Variants in TFRC observed in about 807,000 individuals in gnomAD.
TFRC encodes transferrin receptor protein 1.
A neutral mutation model predicts 85.8 loss-of-function variants in TFRC; 35 were observed. That is an observed-to-expected ratio of 0.41 (90% CI 0.31 to 0.54). The LOEUF is 0.54. Among genes scored for constraint, TFRC ranks in the 20% least tolerant of loss-of-function variants. The pLI is 0.31. For missense variants in TFRC, 828 were observed against 921.5 expected, an observed-to-expected ratio of 0.90 and a Z score of 1.31; for synonymous variants, 362 against 328.6, an observed-to-expected ratio of 1.10 and a Z score of -1.10.
chr3:196,074,979 G>T (rs1246436667), intron 3 of TFRC, among the ~76,000 whole-genome samples, 180 bp downstream of exon 3: 3 of 148,196 alleles, frequency 2.0e-5, no homozygotes. Context: ...CTGGGAGGCT[G>T]AGGTTGCAGT....
At position 196,071,476 on chromosome 3, in the gene TFRC, C is replaced by T. The variant is rs1718201049; in HGVS notation, c.607G>A (p.Val203Ile). 15 of 1,614,098 alleles carry T rather than the reference C, an allele frequency of 9.3e-6. No homozygotes were observed. The highest frequency in any genetic ancestry group is 3.3e-5 in the South Asian group (3 of 91,086). Residue 203 changes from valine (V) to isoleucine (I), a missense_variant, in exon 6 of 19, where the codon GTT (valine) becomes ATT (isoleucine). By Grantham distance (29) the Val-to-Ile change is conservative. Coordinates refer to ENST00000360110, the MANE Select transcript of TFRC (RefSeq NM_001128148.3). Reference sequence around the variant, plus strand: ...TAAACAAGTCTACCGTTCTTATCAACTATGATCACCGAGTTTTGAGCGCTG... The same window carrying T: ...TAAACAAGTCTACCGTTCTTATCAATTATGATCACCGAGTTTTGAGCGCTG... ...KDSAQNSVII[V>I]DKNGRLVYLV...
chr3:196,049,993 G>A lies in TFRC; in HGVS notation c.*1949C>T, dbSNP rs560101628. The A allele has an allele frequency of 9.1e-5, 21 of 230,874 alleles. No homozygotes were observed. Among genetic ancestry groups the A allele is most frequent in the Non-Finnish European group, 1.3e-4 (15 of 116,598 alleles). 14.3% of individuals were successfully genotyped at this position (230,874 alleles called of 1,614,324 possible). A position where few individuals can be genotyped will look rare whatever the true frequency, so the allele number is the denominator to read the frequency against. ...AATGATGGTTCACTCACGGAGCTTC[G>A]AACTTATTCATACCTACATTTAATT... On this transcript the variant is annotated 3_prime_UTR_variant, in exon 19 of 19. Coordinates refer to ENST00000360110, the MANE Select transcript of TFRC (RefSeq NM_001128148.3).
intron 12 of TFRC, 56 bp from the exon 13 acceptor site, chr3:196,062,701 G>T: frequency 1.9e-6 from 3 of 1,561,952 alleles, no homozygotes; most frequent in Non-Finnish European, 2.6e-6. Context: ...ATCACATACA[G>T]TAGCATTAGG....
rs571508641 is a variant in TFRC, at chr3:196,071,361, G to A, written c.687+35C>T. On this transcript the variant is annotated intron_variant, in intron 6 of 18. Coordinates refer to ENST00000360110, the MANE Select transcript of TFRC (RefSeq NM_001128148.3). ...AAGATGAGTTTTGAATGATTCAATA[G>A]GGAAGAGTCTCATGCACTGTTTTGC... 4 of 1,528,630 alleles carry A rather than the reference G, an allele frequency of 2.6e-6. No homozygotes were observed. In the East Asian group the frequency reaches 6.8e-5, roughly 26 times the overall value. The allele number at this position is 1,528,630 out of a possible 1,614,324, so 94.7% of individuals were successfully genotyped here. A position where few individuals can be genotyped will look rare whatever the true frequency, so the allele number is the denominator to read the frequency against.
At chr3:196,073,049 A>AAACAAACAAC (rs1560087183) in intron 4 of TFRC, among the ~76,000 whole-genome samples, 1 of 93,736 alleles carries the variant, frequency 1.1e-5, no homozygotes, top group Non-Finnish European at 2.5e-5. Context: ...AAAAAAAAAA[A>AAACAAACAAC]AAAAAAAAAA....
intron 6 of TFRC, among the ~76,000 whole-genome samples, chr3:196,070,501 C>T (rs1560083959): frequency 1.3e-5 from 2 of 152,108 alleles, no homozygotes; most frequent in Admixed American, 6.5e-5. Flanking sequence ...GATCCACCCA[C>T]CTTGGACTCC....
chr3:196,066,061 C>T (rs968790026), intron 9 of TFRC, among the ~76,000 whole-genome samples: 4 of 151,920 alleles, frequency 2.6e-5, no homozygotes, highest in African/African-American at 9.7e-5. Context: ...GAACCATTTG[C>T]GTCTTACTTT....
At chr3:196,055,657 T>C (rs866822063) in intron 16 of TFRC, 6 of 315,182 alleles carry the variant, frequency 1.9e-5, no homozygotes, top group South Asian at 3.2e-5. Context: ...ACATGAAACA[T>C]ACCTTGAGAC....
Position 196,052,182 on chromosome 3 carries a change from C to A in TFRC, c.2043G>T (p.Val681=). Residue 681 remains valine (V), a splice_region_variant and synonymous_variant, in exon 19 of 19, where the codon GTG becomes GTT. Coordinates refer to ENST00000360110, the MANE Select transcript of TFRC (RefSeq NM_001128148.3). The part of the protein sequence containing the change: ...MKKLNDRVMR[V]EYHFLSPYVS... ...CGTAGGGAGAGAGGAAGTGATACTCCACCTACGAAAACAACACACAAGGCA... is the reference window on the plus strand; with the variant it reads ...CGTAGGGAGAGAGGAAGTGATACTCAACCTACGAAAACAACACACAAGGCA... 1 of 1,613,250 alleles carries A rather than the reference C, an allele frequency of 6.2e-7. No individual in the cohort carries two copies. Among genetic ancestry groups the A allele is most frequent in the Admixed American group, 1.7e-5 (1 of 59,954 alleles).
intron 17 of TFRC, 61 bp downstream of exon 17, chr3:196,055,019 A>G: frequency 6.6e-7 from 1 of 1,505,302 alleles, no homozygotes. Flanking sequence ...ACAGGAACAC[A>G]TCACATTTCA....
intron 14 of TFRC, 27 bp downstream of exon 14, chr3:196,060,153 C>A: frequency 1.3e-6 from 2 of 1,574,620 alleles, no homozygotes; most frequent in Non-Finnish European, 1.7e-6. Flanking sequence ...TTAAGTCATA[C>A]ATTTTTGTAA....
Position 196,080,144 on chromosome 3 carries a change from C to G in TFRC, c.-24+1899G>C, listed in dbSNP as rs1184508174. ...TTTTTGAGATGGCATCTCGCTGTCG[C>G]GCAGGCTGGAGTGCAGTAGCACGAT... On this transcript the variant is annotated intron_variant, in intron 1 of 18. Coordinates refer to ENST00000360110, the MANE Select transcript of TFRC (RefSeq NM_001128148.3). Among the ~76,000 whole-genome samples, 3 of 152,172 alleles carry G rather than the reference C, an allele frequency of 2.0e-5. No individual in the cohort carries two copies. The South Asian group carries it at 6.2e-4, about 31-fold the overall frequency.
At chr3:196,067,709 TC>T in intron 8 of TFRC, 52 bp from the exon 9 acceptor site, 1 of 1,588,682 alleles carries the variant, frequency 6.3e-7, no homozygotes, top group Middle Eastern at 1.7e-4. Flanking sequence ...TCAAAACTTC[TC>T]TGTAAGATTC....
In TFRC at chr3:196,069,455, C is replaced by T. The variant is rs1476654325; in HGVS notation, c.801G>A (p.Lys267=). 1.3e-6 allele frequency: 2 copies of T among 1,584,222 alleles called. No homozygotes were observed. The highest frequency in any genetic ancestry group is 1.7e-6 in the Non-Finnish European group (2 of 1,154,468). Residue 267 remains lysine (K), a splice_region_variant and synonymous_variant, in exon 7 of 19, where the codon AAG becomes AAA. Transcript: ENST00000360110. ...TAATATTATAATAACTCATACTCAC[C>T]TTTTCTGCAAAGGTGATTTTCCCTG... ...VRAGKITFAE[K]VANAESLNAI... is the part of the protein sequence containing the mutation.
chr3:196,075,883 T>TG (rs11391478), intron 2 of TFRC, among the ~76,000 whole-genome samples: 69,207 of 149,886 alleles, frequency 0.46, 17,534 homozygotes, highest in Middle Eastern at 0.59. Flanking sequence ...CCCAGCACTC[T>TG]GGGGGGGGCC....
intron 16 of TFRC, chr3:196,055,667 C>A (rs113645169): frequency 6.0e-5 from 18 of 300,374 alleles, no homozygotes; most frequent in African/African-American, 3.7e-4. Context: ...TACCTTGAGA[C>A]GAGGTCTCTC....
rs765446349 is a variant in TFRC, at chr3:196,067,617, G to A, written c.941C>T (p.Pro314Leu). 1 of 1,613,982 alleles carries A rather than the reference G, an allele frequency of 6.2e-7. No homozygotes were observed. Among genetic ancestry groups the A allele is most frequent in the Non-Finnish European group, 8.5e-7 (1 of 1,180,028 alleles). Reference sequence around the variant, plus strand: ...TGGAAACTGAGTGTGATTGAAGGAAGGGAATCCAGGTGTGTAAGGGTCACC... The same window carrying A: ...TGGAAACTGAGTGTGATTGAAGGAAAGGAATCCAGGTGTGTAAGGGTCACC... ...GTGDPYTPGF[P>L]SFNHTQFPPS... Residue 314 changes from proline to leucine, a missense_variant, in exon 9 of 19, where the codon CCT becomes CTT. By Grantham distance (98) the Pro-to-Leu change is moderately conservative. Transcript: ENST00000360110.
chr3:196,075,046 CAAAAAAAAAA>C, intron 3 of TFRC, 103 bp downstream of exon 3: 1 of 529,630 alleles, frequency 1.9e-6, no homozygotes, highest in Non-Finnish European at 2.9e-6. Flanking sequence ...CCTCTGTCTC[CAAAAAAAAAA>C]AAAAAAAAAA....
chr3:196,068,610 C>CAAAAA (rs55807772), intron 7 of TFRC, among the ~76,000 whole-genome samples: 10 of 41,832 alleles, frequency 2.4e-4, no homozygotes, highest in South Asian at 1.3e-3. Flanking sequence ...AACTCCCTCT[C>CAAAAA]AAAAAAAAAA....
Sources: allele counts gnomAD v4.1 joint callset (sites outside exome capture counted in the v4.1 genomes callset), GRCh38; gene constraint gnomAD v4.1.1; transcripts MANE v1.5; gene names NCBI Gene and HGNC (gene_info 2026-07-23, HGNC 2026-07-21).